The following TP63 variants were observed in gnomAD, a reference collection of about 807,000 sequenced individuals.
TP63 encodes tumor protein 63.
A neutral mutation model predicts 82.8 loss-of-function variants in TP63; 17 were observed. The observed-to-expected ratio is 0.21, with a 90% confidence interval of 0.14 to 0.31. The LOEUF is 0.31. TP63 is among the 10% of genes least tolerant of loss of function. The pLI, the probability that TP63 is intolerant of heterozygous loss-of-function variation, is 1.00. For synonymous variants in TP63, 330 were observed against 321.7 expected (o/e 1.03, Z -0.28); for missense variants, 648 against 895.3 (o/e 0.72, Z 3.52).
chr3:189,777,639 A>T (rs1354291779), intron 3 of TP63, among the ~76,000 whole-genome samples: 1 of 151,616 alleles, frequency 6.6e-6, no homozygotes, highest in African/African-American at 2.4e-5. Flanking sequence ...TCTCTTCATG[A>T]AGAATTAATC....
At chr3:189,730,102 G>A (rs899032910) in intron 1 of TP63, among the ~76,000 whole-genome samples, 3 of 152,132 alleles carry the variant, frequency 2.0e-5, no homozygotes, top group African/African-American at 7.2e-5. Context: ...ATAATTGGAT[G>A]GATTGATAAA....
chr3:189,880,959 G>T (rs1358547635), intron 10 of TP63: 1 of 985,272 alleles, frequency 1.0e-6, no homozygotes, highest in Non-Finnish European at 1.2e-6. Flanking sequence ...GGCCCCCATA[G>T]CAGGTGAACT....
intron 4 of TP63, among the ~76,000 whole-genome samples, chr3:189,859,772 G>A (rs537932942): frequency 1.3e-5 from 2 of 152,222 alleles, no homozygotes; most frequent in Admixed American, 1.3e-4. Context: ...AGAAAAAAAT[G>A]GAAATAATTG....
rs1715168761 is a variant in TP63 at position 189,848,251 on chromosome 3, C to CTCTCTCTCTCTCTCTCTCTCTG, written c.580-15962_580-15961insCTGTCTCTCTCTCTCTCTCTCT. Among the ~76,000 whole-genome samples the CTCTCTCTCTCTCTCTCTCTCTG allele has an allele frequency of 4.7e-5, 7 of 149,356 alleles. No individual in the cohort carries two copies. In the Admixed American group the frequency reaches 4.7e-4, roughly 10 times the overall value. On this transcript the variant is annotated intron_variant, in intron 4 of 13. Transcript: ENST00000264731. ...CTCCTCCTCCTCCTTCTCTCTCTCT[C>CTCTCTCTCTCTCTCTCTCTCTG]TCTCTCTCTCTCTCTCTCTGTTGCC...
chr3:189,679,060 C>T (rs1310521145), intron 1 of TP63, among the ~76,000 whole-genome samples: 2 of 151,898 alleles, frequency 1.3e-5, no homozygotes, highest in South Asian at 2.1e-4. Context: ...AGGTTGATTC[C>T]GTATCTGAGC....
intron 13 of TP63, 117 bp downstream of exon 13, chr3:189,890,999 T>A (rs956751768): frequency 2.2e-6 from 2 of 904,604 alleles, no homozygotes; most frequent in Admixed American, 4.0e-5. Context: ...ATGCCCCCAA[T>A]TATCCATTTT....
At chr3:189,858,929 T>C (rs1183946765) in intron 4 of TP63, among the ~76,000 whole-genome samples, 1 of 151,764 alleles carries the variant, frequency 6.6e-6, no homozygotes, top group Non-Finnish European at 1.5e-5. Context: ...CTCATAGAAG[T>C]TGAGAGTAGA....
Position 189,631,456 on chromosome 3 carries a change from A to G in TP63, c.-60A>G, listed in dbSNP as rs367604538. 3.1e-4 allele frequency: 501 copies of G among 1,609,206 alleles called. No homozygotes were observed. The highest frequency in any genetic ancestry group is 1.1e-3 in the Admixed American group (65 of 59,788). On this transcript the variant is annotated 5_prime_UTR_variant, in exon 1 of 14. Transcript: ENST00000264731. ...GCTTTATATCTATATATACACAGGT[A>G]TATGTGTATATTTTATATAATTGTT...
At chr3:189,758,895 C>G (rs1260424424) in intron 3 of TP63, among the ~76,000 whole-genome samples, 2 of 152,088 alleles carry the variant, frequency 1.3e-5, no homozygotes, top group African/African-American at 2.4e-5. Flanking sequence ...ACCAGACAGA[C>G]TTCTTATGAA....
At chr3:189,726,715 G>T (rs1719801979) in intron 1 of TP63, among the ~76,000 whole-genome samples, 1 of 152,098 alleles carries the variant, frequency 6.6e-6, no homozygotes, top group Admixed American at 6.6e-5. Context: ...CTGATTGCTT[G>T]TAATTCCCTG....
At position 189,889,453 on chromosome 3, in the gene TP63, C is replaced by A; in HGVS notation, c.1621C>A (p.Pro541Thr). Residue 541 changes from proline to threonine, a missense_variant, in exon 12 of 14, where the codon CCT becomes ACT. Transcript: ENST00000264731. ...ATCCACCTCCCACTGCACACCCCCA[C>A]CTCCGTATCCCACAGATTGCAGCAT... ...MPSTSHCTPP[P>T]PYPTDCSIVS... The A allele has an allele frequency of 6.2e-7, 1 of 1,614,172 alleles. No homozygotes were observed. Among genetic ancestry groups the A allele is most frequent in the South Asian group, 1.1e-5 (1 of 91,082 alleles).
chr3:189,882,602 A>G (rs996739096), intron 10 of TP63, among the ~76,000 whole-genome samples: 1 of 152,004 alleles, frequency 6.6e-6, no homozygotes, highest in African/African-American at 2.4e-5. Context: ...ACCAAATCCT[A>G]CTAGAGGGTT....
chr3:189,865,969 T>C (rs1004107934), intron 5 of TP63, among the ~76,000 whole-genome samples: 2 of 152,184 alleles, frequency 1.3e-5, no homozygotes, highest in African/African-American at 2.4e-5. Context: ...TATTGAATGG[T>C]TTTTGTAGAC....
chr3:189,634,344 A>G (rs1729638192), intron 1 of TP63, among the ~76,000 whole-genome samples: 1 of 151,424 alleles, frequency 6.6e-6, no homozygotes, highest in Non-Finnish European at 1.5e-5. Context: ...ATTCCCTTAC[A>G]GAATAGAAAA....
chr3:189,663,300 G>A (rs971911715), intron 1 of TP63, among the ~76,000 whole-genome samples: 16 of 151,958 alleles, frequency 1.1e-4, no homozygotes, highest in Admixed American at 6.6e-5. Context: ...AAGAACCATG[G>A]AGTCCTTACC....
At chr3:189,800,541 A>G (rs975301385) in intron 3 of TP63, among the ~76,000 whole-genome samples, 2 of 152,022 alleles carry the variant, frequency 1.3e-5, no homozygotes, top group African/African-American at 4.8e-5. Flanking sequence ...TAACTTTCAG[A>G]TAAAAATTCC....
rs1347205866 is a variant in TP63, at chr3:189,651,349, C to T, written c.62+19772C>T. ...TAACTTGAGGTCAGGAGTTCAAGACCAGCCTGGCCAACATGGTGAAATCCA... is the reference window on the plus strand; with the variant it reads ...TAACTTGAGGTCAGGAGTTCAAGACTAGCCTGGCCAACATGGTGAAATCCA... On this transcript the variant is annotated intron_variant, in intron 1 of 13. Coordinates refer to ENST00000264731, the MANE Select transcript of TP63 (RefSeq NM_003722.5). Among the ~76,000 whole-genome samples the T allele has an allele frequency of 5.5e-5, 8 of 146,210 alleles. 1 individual carries two copies. The highest frequency in any genetic ancestry group is 1.8e-4 in the African/African-American group (7 of 38,790).
chr3:189,891,522 T>C (rs1218623324), intron 13 of TP63, among the ~76,000 whole-genome samples: 1 of 152,212 alleles, frequency 6.6e-6, no homozygotes, highest in Admixed American at 6.5e-5. Context: ...TATCAATGGC[T>C]ATGGGGTCAA....
chr3:189,656,231 G>A (rs1920247), intron 1 of TP63, among the ~76,000 whole-genome samples: 66,853 of 151,926 alleles, frequency 0.44, 16,098 homozygotes, highest in Middle Eastern at 0.69. Flanking sequence ...GAGAAGAATT[G>A]GGAGTTCTCT....
Sources: allele counts gnomAD v4.1 joint callset (sites outside exome capture counted in the v4.1 genomes callset), GRCh38; gene constraint gnomAD v4.1.1; transcripts MANE v1.5; gene names NCBI Gene and HGNC (gene_info 2026-07-23, HGNC 2026-07-21).